PUS10: variants seen among roughly 807,000 people sequenced by gnomAD.
PUS10 encodes the protein pseudouridine synthase 10.
A neutral mutation model predicts 75.0 loss-of-function variants in PUS10; 59 were observed. The ratio of observed to expected loss-of-function variants is 0.79; its 90% confidence interval spans 0.64 to 0.98. The LOEUF is 0.98. Ranked by LOEUF, PUS10 falls within the 50% of genes least tolerant of loss-of-function variation. The probability of loss-of-function intolerance (pLI) is 0.00; values close to 1 mark genes in which losing one functional copy is unlikely to be tolerated. For missense variants in PUS10, 650 were observed against 614.4 expected (o/e 1.06, Z -0.61); for synonymous variants, 219 against 211.6 (o/e 1.03, Z -0.30).
At chr2:60,974,203 T>C (rs1676878581) in intron 4 of PUS10, among the ~76,000 whole-genome samples, 1 of 146,668 alleles carries the variant, frequency 6.8e-6, no homozygotes, top group East Asian at 2.0e-4. Flanking sequence ...TACCACTTGA[T>C]AAAGCTCCTT....
intron 2 of PUS10, chr2:61,010,627 T>G: frequency 1.3e-6 from 1 of 774,810 alleles, no homozygotes; most frequent in Admixed American, 2.9e-5. Flanking sequence ...ACCCAGCCAA[T>G]TTCTGGTTTT....
intron 15 of PUS10, among the ~76,000 whole-genome samples, 196 bp downstream of exon 15, chr2:60,952,800 GC>G (rs1558873039): frequency 6.6e-6 from 1 of 152,194 alleles, no homozygotes; most frequent in Non-Finnish European, 1.5e-5. Flanking sequence ...TTCCCCACTG[GC>G]CACGCTGCCG....
At chr2:60,999,913 T>G (rs1678741005) in intron 4 of PUS10, among the ~76,000 whole-genome samples, 1 of 152,184 alleles carries the variant, frequency 6.6e-6, no homozygotes. Flanking sequence ...GCACCCACAT[T>G]GTAGTATATA....
In PUS10 at chr2:60,941,447, T is replaced by C. The variant is rs1674622797; in HGVS notation, c.*948A>G. ...GAAACTTCAGTTCTAGTCCTCAATA[T>C]AGAAGTAGCTAACAATTTTGGATAA... is the stretch of plus-strand genomic sequence containing the variant. On this transcript the variant is annotated 3_prime_UTR_variant, in exon 18 of 18. Coordinates refer to ENST00000316752, the MANE Select transcript of PUS10 (RefSeq NM_144709.4). 1.3e-5 allele frequency: 2 copies of C among 152,298 alleles called. No homozygotes were observed. The highest frequency in any genetic ancestry group is 2.4e-5 in the African/African-American group (1 of 41,450). The allele number at this position is 152,298 out of a possible 1,614,324, so 9.4% of individuals were successfully genotyped here. A position where few individuals can be genotyped will look rare whatever the true frequency, so the allele number is the denominator to read the frequency against.
chr2:60,994,700 C>A (rs1184165873), intron 4 of PUS10, among the ~76,000 whole-genome samples: 3 of 152,190 alleles, frequency 2.0e-5, no homozygotes, highest in Non-Finnish European at 4.4e-5. Context: ...CTTTCCCTAA[C>A]CTTGAAGATA....
intron 6 of PUS10, chr2:60,966,516 C>A (rs899601204): frequency 3.9e-5 from 6 of 152,178 alleles, no homozygotes; most frequent in African/African-American, 1.4e-4. Context: ...GGAAACTTCA[C>A]TCAACCCACA....
intron 4 of PUS10, among the ~76,000 whole-genome samples, chr2:61,002,946 A>G (rs1278782512): frequency 2.0e-5 from 3 of 152,184 alleles, no homozygotes; most frequent in Non-Finnish European, 2.9e-5. Context: ...CTGTTTCACC[A>G]GTTAATCTGC....
chr2:61,003,318 T>C (rs1432445759), intron 4 of PUS10, among the ~76,000 whole-genome samples: 1 of 151,770 alleles, frequency 6.6e-6, no homozygotes, highest in Non-Finnish European at 1.5e-5. Context: ...AAAAATTAGC[T>C]GGGTGTGGTG....
intron 17 of PUS10, chr2:60,944,137 A>G: frequency 1.2e-6 from 1 of 801,250 alleles, no homozygotes; most frequent in Non-Finnish European, 1.5e-6. Flanking sequence ...CAAAAAAAAA[A>G]AAAGATGATG....
intron 11 of PUS10, among the ~76,000 whole-genome samples, chr2:60,957,240 A>G (rs1322429710): frequency 6.6e-6 from 1 of 152,202 alleles, no homozygotes; most frequent in Non-Finnish European, 1.5e-5. Context: ...AAACAGTATC[A>G]AGGGCAAGAA....
chr2:60,971,494 AG>A, intron 5 of PUS10, 28 bp downstream of exon 5: 2 of 1,597,298 alleles, frequency 1.3e-6, no homozygotes, highest in Non-Finnish European at 1.7e-6. Flanking sequence ...TTTGAATGGT[AG>A]TAAAAATTCC....
intron 4 of PUS10, among the ~76,000 whole-genome samples, chr2:60,984,861 A>C (rs1677619356): frequency 6.6e-6 from 1 of 152,192 alleles, no homozygotes; most frequent in Non-Finnish European, 1.5e-5. Flanking sequence ...CAGTACATGC[A>C]GGTATACGTT....
chr2:60,963,665 T>C (rs1455452650), intron 8 of PUS10, among the ~76,000 whole-genome samples: 2 of 152,210 alleles, frequency 1.3e-5, no homozygotes, highest in Non-Finnish European at 2.9e-5. Context: ...AACCATATTC[T>C]AGGGAACACT....
At chr2:60,991,514 T>G (rs1678075692) in intron 4 of PUS10, among the ~76,000 whole-genome samples, 1 of 152,064 alleles carries the variant, frequency 6.6e-6, no homozygotes, top group Non-Finnish European at 1.5e-5. Context: ...TGGAGTGCAA[T>G]GGCTCAATCT....
chr2:60,947,828 C>CAAAAAAAAAAAAAA (rs890632119), intron 16 of PUS10, among the ~76,000 whole-genome samples: 1 of 46,064 alleles, frequency 2.2e-5, no homozygotes, highest in Non-Finnish European at 4.6e-5. Flanking sequence ...GACTCTGCCT[C>CAAAAAAAAAAAAAA]AAAAAAAAAA....
chr2:60,980,441 T>C (rs528463263), intron 4 of PUS10, among the ~76,000 whole-genome samples: 2 of 152,282 alleles, frequency 1.3e-5, no homozygotes, highest in South Asian at 4.1e-4. Flanking sequence ...AGCACAACCA[T>C]CAGAGGATAA....
chr2:60,959,534 G>A (rs1675886827), intron 11 of PUS10, among the ~76,000 whole-genome samples: 1 of 152,130 alleles, frequency 6.6e-6, no homozygotes, highest in South Asian at 2.1e-4. Context: ...GACTATTGGT[G>A]CGCACCACCA....
chr2:60,960,003 A>G (rs1193485575), intron 11 of PUS10, among the ~76,000 whole-genome samples: 1 of 149,910 alleles, frequency 6.7e-6, no homozygotes, highest in Non-Finnish European at 1.5e-5. Context: ...ACATAGTGAG[A>G]CCCCCCAATC....
rs116489877 is a variant in PUS10, at chr2:61,006,367, C to T, written c.468+190G>A. On this transcript the variant is annotated intron_variant, in intron 4 of 17. Transcript: ENST00000316752. ...CAAACTAACTTGCTTTGTTAGGACA[C>T]AACTAATTCCTTTTGTCATTCACTC... Among the ~76,000 whole-genome samples, 1,152 of 152,246 alleles carry T rather than the reference C, an allele frequency of 7.6e-3. 14 individuals are homozygous for T. The highest frequency in any genetic ancestry group is 0.026 in the African/African-American group (1,078 of 41,536).
Sources: allele counts gnomAD v4.1 joint callset (sites outside exome capture counted in the v4.1 genomes callset), GRCh38; gene constraint gnomAD v4.1.1; transcripts MANE v1.5; gene names NCBI Gene and HGNC (gene_info 2026-07-23, HGNC 2026-07-21).